Variants in NXPE4 observed in about 807,000 individuals in gnomAD.
NXPE4 encodes the protein neurexophilin and PC-esterase domain family member 4.
In NXPE4, 42 loss-of-function variants were observed where a neutral mutation model predicts 33.3. The ratio of observed to expected loss-of-function variants is 1.26; its 90% CI spans 0.98 to 1.63. NXPE4 has a LOEUF of 1.63. NXPE4 is among the 40% of genes most tolerant of loss of function. NXPE4 has a pLI of 0.00. For synonymous variants in NXPE4, 253 were observed against 234.9 expected (o/e 1.08, Z -0.71); for missense variants, 709 against 647.6 (o/e 1.09, Z -1.03).
At chr11:114,602,494 A>G in the NXPE4 span, among the ~76,000 whole-genome samples, 38 of 137,046 alleles carry the variant, frequency 2.8e-4, no homozygotes, top group Non-Finnish European at 5.2e-4. Flanking sequence ...AACATATATT[A>G]TCCCATATGT....
chr11:114,601,971 A>G, the NXPE4 span, among the ~76,000 whole-genome samples: 46 of 86,072 alleles, frequency 5.3e-4, no homozygotes, highest in Non-Finnish European at 2.0e-5. Context: ...TATATTATAT[A>G]TTCTGTTATA....
At chr11:114,652,221 TAGC>T in the NXPE4 span, among the ~76,000 whole-genome samples, 3 of 152,208 alleles carry the variant, frequency 2.0e-5, no homozygotes, top group Non-Finnish European at 4.4e-5. Context: ...TCAGTTGAGT[TAGC>T]AGGTGAATTT....
the NXPE4 span, among the ~76,000 whole-genome samples, chr11:114,653,533 C>CTTTTTT: frequency 5.8e-5 from 6 of 103,512 alleles, no homozygotes; most frequent in African/African-American, 1.7e-4. Flanking sequence ...CCTGCTTTCC[C>CTTTTTT]TTTTTTTTTT....
At chr11:114,657,572 A>G in the NXPE4 span, among the ~76,000 whole-genome samples, 6 of 152,196 alleles carry the variant, frequency 3.9e-5, no homozygotes, top group African/African-American at 1.4e-4. Flanking sequence ...TTGCTATTTA[A>G]TGTCGTATAA....
At chr11:114,632,959 T>C in the NXPE4 span, among the ~76,000 whole-genome samples, 151 of 102,654 alleles carry the variant, frequency 1.5e-3, 1 homozygote, top group African/African-American at 5.8e-3. Context: ...ATATTTTATA[T>C]AATTATATAT....
chr11:114,635,865 G>A, the NXPE4 span, among the ~76,000 whole-genome samples: 2 of 152,024 alleles, frequency 1.3e-5, no homozygotes, highest in Non-Finnish European at 2.9e-5. Context: ...TATTCGGTTT[G>A]CCAGTATTTT....
At chr11:114,637,204 T>G in the NXPE4 span, among the ~76,000 whole-genome samples, 6 of 152,092 alleles carry the variant, frequency 3.9e-5, no homozygotes, top group South Asian at 4.2e-4. Flanking sequence ...GTTGATCCCT[T>G]TACCATTAAG....
chr11:114,678,209 T>C, the NXPE4 span, among the ~76,000 whole-genome samples: 1 of 152,134 alleles, frequency 6.6e-6, no homozygotes, highest in African/African-American at 2.4e-5. Flanking sequence ...TTCCTGCTAC[T>C]GTGGAGGTGA....
chr11:114,586,491 G>A lies in NXPE4; in HGVS notation c.97-3470C>T, dbSNP rs148097810. 2.9e-4 allele frequency among the ~76,000 whole-genome samples: 44 copies of A among 152,234 alleles called. No homozygotes were observed. In the East Asian group the frequency reaches 5.0e-3, roughly 17 times the overall value. ...CCAATCAGCCATTTAAAAAGTTAGC[G>A]TGGCTACCAGCCTTACAAGACTCAG... On this transcript the variant is annotated intron_variant, in intron 2 of 5. Transcript: ENST00000375478.
At chr11:114,653,465 A>G in the NXPE4 span, among the ~76,000 whole-genome samples, 1 of 150,190 alleles carries the variant, frequency 6.7e-6, no homozygotes, top group Non-Finnish European at 1.5e-5. Flanking sequence ...AAAATATTTA[A>G]CCCTTGGGTG....
At chr11:114,673,264 T>C in the NXPE4 span, among the ~76,000 whole-genome samples, 2 of 151,370 alleles carry the variant, frequency 1.3e-5, no homozygotes, top group Admixed American at 1.3e-4. Context: ...GAAATCAGAA[T>C]ACACTTTCAG....
the NXPE4 span, among the ~76,000 whole-genome samples, chr11:114,629,128 T>C: frequency 5.3e-5 from 8 of 152,058 alleles, no homozygotes; most frequent in South Asian, 2.1e-4. Flanking sequence ...TCTGAAACTA[T>C]TCCAATCAAT....
intron 2 of NXPE4, among the ~76,000 whole-genome samples, chr11:114,587,628 C>T (rs1181848544): frequency 6.6e-6 from 1 of 152,198 alleles, no homozygotes; most frequent in Non-Finnish European, 1.5e-5. Context: ...TGGATGGCAC[C>T]TTAAAAGATG....
At chr11:114,615,386 G>A in the NXPE4 span, among the ~76,000 whole-genome samples, 1 of 151,838 alleles carries the variant, frequency 6.6e-6, no homozygotes, top group South Asian at 2.1e-4. Context: ...TGGATAATAA[G>A]TATTGCCTCG....
chr11:114,613,301 T>A, the NXPE4 span, among the ~76,000 whole-genome samples: 2 of 151,940 alleles, frequency 1.3e-5, no homozygotes, highest in East Asian at 3.9e-4. Flanking sequence ...GGATAATAAG[T>A]ACTGCCTCAT....
At chr11:114,655,984 A>T in the NXPE4 span, among the ~76,000 whole-genome samples, 1 of 152,188 alleles carries the variant, frequency 6.6e-6, no homozygotes, top group East Asian at 1.9e-4. Context: ...GAGGAAGTCA[A>T]ATTGTCTCTC....
At chr11:114,635,563 C>T in the NXPE4 span, among the ~76,000 whole-genome samples, 2 of 151,940 alleles carry the variant, frequency 1.3e-5, no homozygotes, top group Non-Finnish European at 2.9e-5. Flanking sequence ...GGGAATGCTT[C>T]CAGTTTTTGC....
At chr11:114,601,950 A>T in the NXPE4 span, among the ~76,000 whole-genome samples, 37 of 76,580 alleles carry the variant, frequency 4.8e-4, no homozygotes, top group Non-Finnish European at 8.4e-4. Context: ...ATATAATTAT[A>T]TATAATATTA....
At chr11:114,633,649 G>A in the NXPE4 span, among the ~76,000 whole-genome samples, 12 of 141,526 alleles carry the variant, frequency 8.5e-5, no homozygotes, top group African/African-American at 3.1e-4. Context: ...AGAGTGTGAT[G>A]TTCCCCTTCC....
Sources: gnomAD v4.1 joint callset for allele counts (sites outside exome capture counted in the v4.1 genomes callset) on GRCh38, gnomAD v4.1.1 for gene constraint, MANE v1.5 for transcripts, NCBI Gene and HGNC (gene_info 2026-07-23, HGNC 2026-07-21) for gene names.